ZNF324B: variants seen among roughly 807,000 people sequenced by gnomAD.
ZNF324B encodes zinc finger protein 324B.
In ZNF324B, 7 loss-of-function variants were observed where a neutral mutation model predicts 10.6. The ratio of observed to expected loss-of-function variants is 0.66; its 90% confidence interval spans 0.38 to 1.24. The LOEUF is 1.24. Ranked by LOEUF, ZNF324B falls within the 50% of genes most tolerant of loss-of-function variation. The pLI is 0.02. For synonymous variants in ZNF324B, 316 were observed against 321.0 expected, an observed-to-expected ratio of 0.98 and a Z score of 0.17; for missense variants, 640 against 764.7, an observed-to-expected ratio of 0.84 and a Z score of 1.92.
the ZNF324B span, chr19:58,437,069 G>C: frequency 6.2e-7 from 1 of 1,614,022 alleles, no homozygotes; most frequent in Admixed American, 1.7e-5. Context: ...CAAGCTCAAG[G>C]TTTTCCAGCA....
the ZNF324B span, chr19:58,433,895 A>C: frequency 6.2e-7 from 1 of 1,614,144 alleles, no homozygotes; most frequent in Non-Finnish European, 8.5e-7. Flanking sequence ...CATTCGCTGC[A>C]CTCATAAGGC....
chr19:58,445,338 G>T, the ZNF324B span: 1 of 497,124 alleles, frequency 2.0e-6, no homozygotes, highest in Non-Finnish European at 3.9e-6. Flanking sequence ...GCAAAAAATT[G>T]CAGCTCCTGC....
At chr19:58,450,464 C>CAAAAAAAAA (rs35336344), upstream of ZNF324B, among the ~76,000 whole-genome samples, 1 of 104,884 alleles carries the variant, frequency 9.5e-6, no homozygotes, top group Non-Finnish European at 1.9e-5. Context: ...GACCCTGTCT[C>CAAAAAAAAA]AAAAAAAAAA....
At chr19:58,430,986 C>T in the ZNF324B span, 1 of 152,332 alleles carries the variant, frequency 6.6e-6, no homozygotes, top group East Asian at 1.9e-4. Flanking sequence ...TTGAGCTTCT[C>T]ATTATTCTGG....
At chr19:58,452,008 T>G (rs1599978158) in intron 1 of ZNF324B, 3 of 235,164 alleles carry the variant, frequency 1.3e-5, no homozygotes, top group East Asian at 1.9e-4. Flanking sequence ...GGCGGGGGAG[T>G]CCCTGCTCAC....
At chr19:58,454,551 G>C (rs1052704588) in intron 3 of ZNF324B, 2 of 587,078 alleles carry the variant, frequency 3.4e-6, no homozygotes, top group Non-Finnish European at 6.1e-6. Flanking sequence ...GGTTCACACA[G>C]AAGGGCCTAC....
Position 58,454,275 on chromosome 19 carries a change from G to C in ZNF324B, c.169G>C (p.Glu57Gln). The part of the protein sequence containing the change: ...PRVVIQLERG[E>Q]EPWVPSGKDM... ...TGTGGTCATTCAACTTGAGCGTGGCGAGGAGCCCTGGGTTCCCAGTGGAAA... is the reference window on the plus strand; with the variant it reads ...TGTGGTCATTCAACTTGAGCGTGGCCAGGAGCCCTGGGTTCCCAGTGGAAA... Residue 57 changes from glutamate to glutamine, a missense_variant, in exon 3 of 4, where the codon GAG becomes CAG. Coordinates refer to ENST00000336614, the MANE Select transcript of ZNF324B (RefSeq NM_207395.3). 6.2e-7 allele frequency: 1 copy of C among 1,614,090 alleles called. No individual in the cohort carries two copies. Among genetic ancestry groups the C allele is most frequent in the South Asian group, 1.1e-5 (1 of 91,084 alleles).
chr19:58,454,091 C>T, intron 2 of ZNF324B, 137 bp from the exon 3 acceptor site: 3 of 709,340 alleles, frequency 4.2e-6, no homozygotes, highest in Admixed American at 2.4e-5. Context: ...CCTATGAGCC[C>T]CTTGCCCTGT....
Position 58,454,225 on chromosome 19 carries a change from C to T in ZNF324B, c.122-3C>T, listed in dbSNP as rs1408042645. 6 of 1,610,134 alleles carry T rather than the reference C, an allele frequency of 3.7e-6. No individual in the cohort carries two copies. Among genetic ancestry groups the T allele is most frequent in the Non-Finnish European group, 4.2e-6 (5 of 1,176,550 alleles). Reference sequence around the variant, plus strand: ...CTGGGCTCTCACCTGCTCCTCCTCACAGGACTCTCTACCTCCCGACCTCGT... The same window carrying T: ...CTGGGCTCTCACCTGCTCCTCCTCATAGGACTCTCTACCTCCCGACCTCGT... On this transcript the variant is annotated splice_polypyrimidine_tract_variant and splice_region_variant and intron_variant, in intron 2 of 3. Transcript: ENST00000336614.
chr19:58,441,206 G>A, the ZNF324B span: 1 of 152,318 alleles, frequency 6.6e-6, no homozygotes, highest in East Asian at 1.9e-4. Context: ...GAAAGGTGTT[G>A]AACAGAAAAG....
At chr19:58,449,733 G>A (rs1188960967), upstream of ZNF324B, among the ~76,000 whole-genome samples, 1 of 152,206 alleles carries the variant, frequency 6.6e-6, no homozygotes. Flanking sequence ...TTTGGAATGG[G>A]TGTATTTATC....
At chr19:58,446,100 A>C in the ZNF324B span, among the ~76,000 whole-genome samples, 2 of 152,196 alleles carry the variant, frequency 1.3e-5, no homozygotes, top group Non-Finnish European at 2.9e-5. Context: ...ATGCCACTGC[A>C]CTCCAACCTG....
intron 1 of ZNF324B, 112 bp from the exon 2 acceptor site, chr19:58,453,584 G>T: frequency 6.9e-7 from 1 of 1,451,782 alleles, no homozygotes; most frequent in Non-Finnish European, 9.6e-7. Flanking sequence ...TCTCGGGGTG[G>T]AACCCAAGGA....
At position 58,456,133 on chromosome 19, in the gene ZNF324B, T is replaced by A. The variant is rs1390812144; in HGVS notation, c.1189T>A (p.Phe397Ile). The A allele has an allele frequency of 1.2e-6, 2 of 1,613,510 alleles. No individual in the cohort carries two copies. Among genetic ancestry groups the A allele is most frequent in the East Asian group, 4.5e-5 (2 of 44,856 alleles). ...HERTHTGEKP[F>I]VCALCGAAFS... Reference sequence around the variant, plus strand: ...GCGTACGCACACAGGCGAGAAGCCCTTCGTATGCGCGCTCTGCGGTGCTGC... The same window carrying A: ...GCGTACGCACACAGGCGAGAAGCCCATCGTATGCGCGCTCTGCGGTGCTGC... The change falls in exon 4 of 4, where the codon TTC becomes ATC. Residue 397 changes from phenylalanine to isoleucine, a missense_variant. Around this residue, in one of 3 missense-constraint regions of ZNF324B, gnomAD observed 238 missense variants for 258.0 expected, o/e 0.92. Transcript: ENST00000336614. This position sits in a 1 kb window ranked among gnomAD's most constrained non-coding sequence, Gnocchi z 4.7.
chr19:58,419,943 G>T, the ZNF324B span, among the ~76,000 whole-genome samples: 1 of 152,110 alleles, frequency 6.6e-6, no homozygotes, highest in Non-Finnish European at 1.5e-5. Flanking sequence ...CTCCTGAGTA[G>T]CAGCGACTAC....
chr19:58,440,665 C>G, the ZNF324B span: 2 of 152,008 alleles, frequency 1.3e-5, no homozygotes, highest in Admixed American at 1.3e-4. Flanking sequence ...CAGTGTTCGC[C>G]CCCCACAACA....
intron 2 of ZNF324B, 23 bp downstream of exon 2, chr19:58,453,845 A>G (rs1362186946): frequency 6.2e-7 from 1 of 1,607,552 alleles, no homozygotes; most frequent in African/African-American, 1.3e-5. Flanking sequence ...GTGCTCCATG[A>G]AAAGTGCACT....
At position 58,455,720 on chromosome 19, in the gene ZNF324B, G is replaced by T. The variant is rs1305740069; in HGVS notation, c.776G>T (p.Cys259Phe). Residue 259 changes from cysteine to phenylalanine, a missense_variant, in exon 4 of 4, where the codon TGC becomes TTC. This residue lies in a region of ZNF324B where 345 missense variants were observed against 387.9 expected (regional missense o/e 0.89). Transcript: ENST00000336614. The surrounding 1 kb of genome is among the most constrained non-coding windows in gnomAD (Gnocchi z 7.0). ...CACGCTGGGGAGAAGTCCTTCGAAT[G>T]CAGGGCGTGCAGCAAAGTGTTCGTG... is the stretch of plus-strand genomic sequence containing the variant. The part of the protein sequence containing the change: ...ALHAGEKSFE[C>F]RACSKVFVKS... 3.7e-6 allele frequency: 6 copies of T among 1,613,606 alleles called. No homozygotes were observed. Among genetic ancestry groups the T allele is most frequent in the Non-Finnish European group, 5.1e-6 (6 of 1,179,934 alleles).
chr19:58,435,054 A>G, the ZNF324B span: 3 of 1,614,178 alleles, frequency 1.9e-6, no homozygotes, highest in Non-Finnish European at 2.5e-6. Flanking sequence ...CCTGATGCTC[A>G]GCCAGGTGCA....
Sources: allele counts gnomAD v4.1 joint callset (sites outside exome capture counted in the v4.1 genomes callset), GRCh38; gene constraint gnomAD v4.1.1; regional missense constraint gnomAD v4.1.1; non-coding constraint Gnocchi (gnomAD v3.1); transcripts MANE v1.5; gene names NCBI Gene and HGNC (gene_info 2026-07-23, HGNC 2026-07-21).